Variants in LRRTM4 observed in about 807,000 individuals in gnomAD.
LRRTM4 encodes leucine-rich repeat transmembrane neuronal protein 4.
LRRTM4 carries 25 observed loss-of-function variants against 47.6 expected under a neutral mutation model. The observed-to-expected ratio is 0.53, with a 90% CI of 0.38 to 0.73. The LOEUF is 0.73. Ranked by LOEUF, LRRTM4 falls within the 30% of genes least tolerant of loss-of-function variation. The probability of loss-of-function intolerance (pLI) is 0.00; values close to 1 mark genes in which losing one functional copy is unlikely to be tolerated. For missense variants in LRRTM4, 638 were observed against 713.4 expected (o/e 0.89, Z 1.20); for synonymous variants, 311 against 269.5 (o/e 1.15, Z -1.51).
chr2:76,879,757 G>C (rs986809543), intron 3 of LRRTM4, among the ~76,000 whole-genome samples: 1 of 152,126 alleles, frequency 6.6e-6, no homozygotes, highest in East Asian at 1.9e-4. Flanking sequence ...AAAACCTTCT[G>C]GGAAGGAATC....
intron 3 of LRRTM4, among the ~76,000 whole-genome samples, chr2:77,187,037 C>A (rs1235379767): frequency 1.3e-5 from 2 of 152,114 alleles, no homozygotes; most frequent in African/African-American, 4.8e-5. Context: ...AGTGCAGCTG[C>A]CTCACACAAA....
chr2:76,844,915 A>C (rs915113919), intron 3 of LRRTM4, among the ~76,000 whole-genome samples: 5 of 152,284 alleles, frequency 3.3e-5, no homozygotes, highest in African/African-American at 1.2e-4. Flanking sequence ...TTTACCAATC[A>C]AAAGGCGGTA....
intron 3 of LRRTM4, among the ~76,000 whole-genome samples, chr2:77,092,581 C>G (rs1037888415): frequency 1.4e-5 from 2 of 145,360 alleles, no homozygotes; most frequent in African/African-American, 5.5e-5. Context: ...GGATTTGCCC[C>G]CACCCAGGAC....
At chr2:77,260,708 C>A (rs1271856102) in intron 3 of LRRTM4, among the ~76,000 whole-genome samples, 1 of 151,604 alleles carries the variant, frequency 6.6e-6, no homozygotes, top group South Asian at 2.1e-4. Flanking sequence ...TAGCATTTTT[C>A]ATAGGTGATT....
chr2:76,824,492 G>C (rs1023638166), intron 3 of LRRTM4, among the ~76,000 whole-genome samples: 12 of 151,382 alleles, frequency 7.9e-5, no homozygotes, highest in African/African-American at 2.7e-4. Flanking sequence ...TTTATTAAAT[G>C]AGTCAGCAGG....
chr2:77,389,220 C>T (rs867298873), intron 3 of LRRTM4, among the ~76,000 whole-genome samples: 1 of 151,906 alleles, frequency 6.6e-6, no homozygotes, highest in Non-Finnish European at 1.5e-5. Flanking sequence ...TTTTATTATA[C>T]CTATATTTTA....
intron 3 of LRRTM4, among the ~76,000 whole-genome samples, chr2:77,135,588 C>G (rs574976710): frequency 2.0e-4 from 30 of 152,304 alleles, no homozygotes; most frequent in Non-Finnish European, 2.9e-4. Flanking sequence ...TACAATGACT[C>G]ATTCTAATTT....
At chr2:76,792,399 G>A (rs2103719852) in intron 3 of LRRTM4, among the ~76,000 whole-genome samples, 1 of 152,166 alleles carries the variant, frequency 6.6e-6, no homozygotes, top group South Asian at 2.1e-4. Flanking sequence ...TCCACTCTAG[G>A]AATCATCTAC....
chr2:77,259,963 C>T (rs1160386319), intron 3 of LRRTM4, among the ~76,000 whole-genome samples: 3 of 151,840 alleles, frequency 2.0e-5, no homozygotes, highest in African/African-American at 4.8e-5. Flanking sequence ...AAGAGAAACA[C>T]AGAAAGGAAA....
At chr2:77,488,211 G>T (rs937594184) in intron 3 of LRRTM4, among the ~76,000 whole-genome samples, 1 of 152,134 alleles carries the variant, frequency 6.6e-6, no homozygotes, top group African/African-American at 2.4e-5. Context: ...CAAGCTTCCA[G>T]GCACCACCAC....
intron 3 of LRRTM4, among the ~76,000 whole-genome samples, chr2:76,811,686 T>C (rs1427848117): frequency 6.6e-6 from 1 of 152,200 alleles, no homozygotes; most frequent in African/African-American, 2.4e-5. Flanking sequence ...TTCATGTATG[T>C]ATGACTTGTG....
chr2:77,208,483 A>G (rs1476751845), intron 3 of LRRTM4, among the ~76,000 whole-genome samples: 1 of 152,170 alleles, frequency 6.6e-6, no homozygotes, highest in Non-Finnish European at 1.5e-5. Flanking sequence ...TGATACTTCC[A>G]CTCACTGAGT....
At chr2:77,468,455 T>TATGC (rs1677064033) in intron 3 of LRRTM4, among the ~76,000 whole-genome samples, 2 of 152,322 alleles carry the variant, frequency 1.3e-5, no homozygotes, top group African/African-American at 4.8e-5. Context: ...AAATTCAAGG[T>TATGC]ATGCTTCAAG....
chr2:77,168,124 T>G (rs1672943127), intron 3 of LRRTM4, among the ~76,000 whole-genome samples: 1 of 152,112 alleles, frequency 6.6e-6, no homozygotes, highest in Non-Finnish European at 1.5e-5. Flanking sequence ...GTGGTTTAAT[T>G]CTAAATGGAA....
chr2:76,982,626 G>T (rs1676651229), intron 3 of LRRTM4, among the ~76,000 whole-genome samples: 1 of 152,006 alleles, frequency 6.6e-6, no homozygotes, highest in Non-Finnish European at 1.5e-5. Flanking sequence ...GCTGCAGTGT[G>T]TGAGGAACCA....
chr2:77,464,172 A>G (rs1453183402), intron 3 of LRRTM4, among the ~76,000 whole-genome samples: 1 of 152,196 alleles, frequency 6.6e-6, no homozygotes, highest in South Asian at 2.1e-4. Flanking sequence ...AAGGGAAGAG[A>G]GCACATGCCA....
intron 3 of LRRTM4, among the ~76,000 whole-genome samples, chr2:77,048,961 TC>T (rs2103764176): frequency 6.6e-6 from 1 of 151,348 alleles, no homozygotes; most frequent in African/African-American, 2.4e-5. Context: ...ACCACTCTAC[TC>T]TCTATTAGTA....
intron 3 of LRRTM4, among the ~76,000 whole-genome samples, chr2:76,967,976 T>G (rs1427069861): frequency 6.6e-6 from 1 of 151,602 alleles, no homozygotes; most frequent in East Asian, 2.0e-4. Context: ...TTGGCAAATA[T>G]AAAGACAAAT....
chr2:77,420,690 T>C (rs1674841198), intron 3 of LRRTM4, among the ~76,000 whole-genome samples: 1 of 150,302 alleles, frequency 6.7e-6, no homozygotes. Context: ...CCTTGTCTTT[T>C]TTTTACTAGG....
Sources: allele counts gnomAD v4.1 joint callset (sites outside exome capture counted in the v4.1 genomes callset), GRCh38; gene constraint gnomAD v4.1.1; transcripts MANE v1.5; gene names NCBI Gene and HGNC (gene_info 2026-07-23, HGNC 2026-07-21).